The following KIF13A variants were observed in gnomAD, a reference collection of about 807,000 sequenced individuals.
KIF13A encodes kinesin-like protein KIF13A.
Under a neutral mutation model 212.2 loss-of-function variants are expected in KIF13A, and 79 were observed. That is an observed-to-expected ratio of 0.37 (90% CI 0.31 to 0.45). The LOEUF (loss-of-function observed/expected upper bound fraction) is 0.45, where lower values mean the gene tolerates loss of function less well. Ranked by LOEUF, KIF13A falls within the 20% of genes least tolerant of loss-of-function variation. The pLI is 1.00. For missense variants in KIF13A, 1,901 were observed against 2,209.0 expected, an observed-to-expected ratio of 0.86 and a Z score of 2.79; for synonymous variants, 789 against 808.6, an observed-to-expected ratio of 0.98 and a Z score of 0.41.
intron 2 of KIF13A, among the ~76,000 whole-genome samples, chr6:17,965,106 G>T (rs1345767215): frequency 2.0e-5 from 3 of 152,184 alleles, no homozygotes; most frequent in East Asian, 3.8e-4. Context: ...CTGAGATTAA[G>T]GCATGAGCCA....
At chr6:17,833,855 C>CAAAAAAAAAAA (rs11358140) in intron 12 of KIF13A, 106 bp downstream of exon 12, 12 of 365,524 alleles carry the variant, frequency 3.3e-5, no homozygotes, top group South Asian at 1.4e-4. Flanking sequence ...GACTCCGTCT[C>CAAAAAAAAAAA]AAAAAAAAAA....
Position 17,773,543 on chromosome 6 carries a change from G to A in KIF13A, c.4259C>T (p.Ser1420Phe), listed in dbSNP as rs2150295298. Residue 1420 changes from serine (S) to phenylalanine (F), a missense_variant, in exon 36 of 39, where the codon TCC becomes TTC. Ser to Phe is a radical substitution (Grantham distance 155). Coordinates refer to ENST00000259711, the MANE Select transcript of KIF13A (RefSeq NM_022113.6). This position sits in a 1 kb window ranked among gnomAD's most constrained non-coding sequence, Gnocchi z 4.2. ...ATAACATGCTACATCTTGGTAACTG[G>A]AGCTATAGTCAGACATGTCCAACTG... ...ENQLDMSDYS[S>F]SYQDVACYGT... The A allele has an allele frequency of 6.2e-7, 1 of 1,612,016 alleles. No individual in the cohort carries two copies. The highest frequency in any genetic ancestry group is 8.5e-7 in the Non-Finnish European group (1 of 1,178,528).
intron 2 of KIF13A, among the ~76,000 whole-genome samples, chr6:17,970,217 C>T (rs1266912757): frequency 2.0e-5 from 3 of 152,164 alleles, no homozygotes; most frequent in Admixed American, 6.5e-5. Context: ...CCACCGCGCC[C>T]GGCCGTGTTT....
In KIF13A at chr6:17,828,618, C is replaced by T. The variant is rs936865511; in HGVS notation, c.1402-248G>A. Among the ~76,000 whole-genome samples, 4 of 152,126 alleles carry T rather than the reference C, an allele frequency of 2.6e-5. No individual in the cohort carries two copies. Among genetic ancestry groups the T allele is most frequent in the African/African-American group, 9.7e-5 (4 of 41,422 alleles). On this transcript the variant is annotated intron_variant, in intron 13 of 38. Transcript: ENST00000259711. The surrounding 1 kb of genome is among the most constrained non-coding windows in gnomAD (Gnocchi z 4.3). ...CAATGATTAGTTATTGTTTTTAACACAGGAAATTGGACTTGACAGTAGAAT... is the reference window on the plus strand; with the variant it reads ...CAATGATTAGTTATTGTTTTTAACATAGGAAATTGGACTTGACAGTAGAAT...
rs1372480995 is a variant in KIF13A at position 17,773,166 on chromosome 6, T to C, written c.4324+312A>G. 2.0e-5 allele frequency among the ~76,000 whole-genome samples: 3 copies of C among 152,280 alleles called. No homozygotes were observed. The highest frequency in any genetic ancestry group is 3.9e-4 in the East Asian group (2 of 5,182). On this transcript the variant is annotated intron_variant, in intron 36 of 38. Transcript: ENST00000259711. The surrounding 1 kb of genome is among the most constrained non-coding windows in gnomAD (Gnocchi z 4.2). Reference sequence around the variant, plus strand: ...AATATGACAGAGCTGGATATTCTGGTAGAAAATAATAGGATTTGTATGTGT... The same window carrying C: ...AATATGACAGAGCTGGATATTCTGGCAGAAAATAATAGGATTTGTATGTGT...
chr6:17,980,114 G>GA (rs1780928501), intron 2 of KIF13A, among the ~76,000 whole-genome samples: 1 of 151,922 alleles, frequency 6.6e-6, no homozygotes, highest in Non-Finnish European at 1.5e-5. Context: ...CAAAAATAGG[G>GA]AAAAAACTTC....
chr6:17,952,469 C>CA (rs1432002869), intron 2 of KIF13A, among the ~76,000 whole-genome samples: 1 of 151,426 alleles, frequency 6.6e-6, no homozygotes, highest in Non-Finnish European at 1.5e-5. Context: ...TCTGCCTCTA[C>CA]AAAAAATTTA....
Position 17,839,068 on chromosome 6 carries a change from T to C in KIF13A, c.831-1485A>G, listed in dbSNP as rs115181266. 0.03 allele frequency among the ~76,000 whole-genome samples: 4,557 copies of C among 152,196 alleles called. 259 individuals are homozygous for C. The highest frequency in any genetic ancestry group is 0.1 in the African/African-American group (4,287 of 41,508). The stretch of plus-strand genomic sequence containing the variant: ...CTCCTGATCTCAGGTGATCCACCCA[T>C]CCTGGCATCCCAAAGTGCTGGGATT... On this transcript the variant is annotated intron_variant, in intron 9 of 38. Transcript: ENST00000259711. The surrounding 1 kb of genome is among the most constrained non-coding windows in gnomAD (Gnocchi z 4.3).
intron 2 of KIF13A, among the ~76,000 whole-genome samples, chr6:17,904,221 A>G (rs1360719928): frequency 6.6e-6 from 1 of 151,868 alleles, no homozygotes; most frequent in African/African-American, 2.4e-5. Context: ...TAATCCCAGC[A>G]CTTTGGAAGG....
At position 17,800,108 on chromosome 6, in the gene KIF13A, T is replaced by C; in HGVS notation, c.2460A>G (p.Ala820=). The C allele has an allele frequency of 1.2e-6, 2 of 1,613,370 alleles. No homozygotes were observed. Among genetic ancestry groups the C allele is most frequent in the Non-Finnish European group, 1.7e-6 (2 of 1,179,622 alleles). The change falls in exon 21 of 39, where the codon GCA becomes GCG. Residue 820 remains alanine (A), a synonymous_variant. Coordinates refer to ENST00000259711, the MANE Select transcript of KIF13A (RefSeq NM_022113.6). ...GCATCACTTCCACGTGGAGACGCCC[T>C]GCAACCTGGGTCAAGGAACCAGAGC... ...VPIISQQGEV[A]GRLHVEVMRV... is the part of the protein sequence containing the mutation.
chr6:17,837,144 A>G lies in KIF13A; in HGVS notation c.943-54T>C. On this transcript the variant is annotated intron_variant, in intron 10 of 38. Transcript: ENST00000259711. The surrounding 1 kb of genome is among the most constrained non-coding windows in gnomAD (Gnocchi z 5.4). ...GAAGCCCATTCCATGGACAACACAT[A>G]TGATAAAAGCACTAAATGTGTTAGG... The G allele has an allele frequency of 6.9e-7, 1 of 1,444,980 alleles. No individual in the cohort carries two copies. The highest frequency in any genetic ancestry group is 1.2e-5 in the South Asian group (1 of 86,798). The allele number at this position is 1,444,980 out of a possible 1,614,324, so 89.5% of individuals were successfully genotyped here. A position where few individuals can be genotyped will look rare whatever the true frequency, so the allele number is the denominator to read the frequency against.
chr6:17,790,292 C>T (rs1217985276), intron 25 of KIF13A, among the ~76,000 whole-genome samples: 1 of 152,126 alleles, frequency 6.6e-6, no homozygotes, highest in African/African-American at 2.4e-5. Flanking sequence ...GTATTCCCAG[C>T]TACTTGGGAG....
chr6:17,797,123 A>G (rs890620227), intron 22 of KIF13A, among the ~76,000 whole-genome samples: 2 of 151,278 alleles, frequency 1.3e-5, no homozygotes, highest in African/African-American at 4.9e-5. Context: ...TCCACCTCTC[A>G]GGTTCACGCC....
intron 2 of KIF13A, among the ~76,000 whole-genome samples, chr6:17,905,733 G>T (rs1417462096): frequency 6.6e-6 from 1 of 152,116 alleles, no homozygotes; most frequent in Non-Finnish European, 1.5e-5. Flanking sequence ...CCAATAGGGG[G>T]AATCATCTGT....
At position 17,787,658 on chromosome 6, in the gene KIF13A, C is replaced by T. The variant is rs1349002923; in HGVS notation, c.3361+118G>A. On this transcript the variant is annotated intron_variant, in intron 27 of 38. Transcript: ENST00000259711. This position sits in a 1 kb window ranked among gnomAD's most constrained non-coding sequence, Gnocchi z 4.6. The stretch of plus-strand genomic sequence containing the variant: ...AGAGTGAGACCCTGTCTTAAAACAA[C>T]AACAACAACAACAACAAAAATAAGA... 1 of 672,894 alleles carries T rather than the reference C, an allele frequency of 1.5e-6. No homozygotes were observed. The highest frequency in any genetic ancestry group is 2.6e-6 in the Non-Finnish European group (1 of 378,076). 41.7% of individuals were successfully genotyped at this position (672,894 alleles called of 1,614,324 possible). A position where few individuals can be genotyped will look rare whatever the true frequency, so the allele number is the denominator to read the frequency against.
Position 17,971,870 on chromosome 6 carries a change from G to GA in KIF13A, c.146+15183dup, listed in dbSNP as rs1779835147. Among the ~76,000 whole-genome samples, 1 of 151,894 alleles carries GA rather than the reference G, an allele frequency of 6.6e-6. No homozygotes were observed. Among genetic ancestry groups the GA allele is most frequent in the East Asian group, 1.9e-4 (1 of 5,188 alleles). ...GGCAGCTAACAGTCACTCTTGGAGGGAAAAAAACCAAAACTAGTTAAATAA... is the reference window on the plus strand; with the variant it reads ...GGCAGCTAACAGTCACTCTTGGAGGGAAAAAAAACCAAAACTAGTTAAATAA... On this transcript the variant is annotated intron_variant, in intron 2 of 38. Coordinates refer to ENST00000259711, the MANE Select transcript of KIF13A (RefSeq NM_022113.6). This position sits in a 1 kb window ranked among gnomAD's most constrained non-coding sequence, Gnocchi z 4.2.
At chr6:17,957,527 A>G (rs1045569351) in intron 2 of KIF13A, among the ~76,000 whole-genome samples, 4 of 152,190 alleles carry the variant, frequency 2.6e-5, no homozygotes, top group Admixed American at 6.6e-5. Context: ...AAACCCAAAG[A>G]AGGGGTCCTG....
In KIF13A at chr6:17,786,605, T is replaced by TAAAAATAA. The variant is rs945208235; in HGVS notation, c.3362-972_3362-965dup. 6.6e-6 allele frequency among the ~76,000 whole-genome samples: 1 copy of TAAAAATAA among 151,616 alleles called. No individual in the cohort carries two copies. Among genetic ancestry groups the TAAAAATAA allele is most frequent in the East Asian group, 1.9e-4 (1 of 5,174 alleles). Reference sequence around the variant, plus strand: ...ACAGAGGGAGACTCCATCTCAAAAATAAAAATAAAAAAATAAAAAACCCAC... The same window carrying TAAAAATAA: ...ACAGAGGGAGACTCCATCTCAAAAATAAAAATAAAAAAATAAAAAAATAAAAAACCCAC... On this transcript the variant is annotated intron_variant, in intron 27 of 38. Coordinates refer to ENST00000259711, the MANE Select transcript of KIF13A (RefSeq NM_022113.6). The surrounding 1 kb of genome is among the most constrained non-coding windows in gnomAD (Gnocchi z 5.4).
chr6:17,891,517 G>A (rs1013112784), intron 3 of KIF13A, among the ~76,000 whole-genome samples: 4 of 152,122 alleles, frequency 2.6e-5, no homozygotes, highest in Non-Finnish European at 4.4e-5. Context: ...ACCCAACTGG[G>A]GAGGCTGAGG....
Sources: allele counts gnomAD v4.1 joint callset (sites outside exome capture counted in the v4.1 genomes callset), GRCh38; gene constraint gnomAD v4.1.1; non-coding constraint Gnocchi (gnomAD v3.1); transcripts MANE v1.5; gene names NCBI Gene and HGNC (gene_info 2026-07-23, HGNC 2026-07-21).